Variants in MAP7 observed in about 807,000 individuals in gnomAD.
MAP7 encodes the protein ensconsin.
In MAP7, 52 loss-of-function variants were observed where a neutral mutation model predicts 94.8. The observed-to-expected ratio is 0.55, with a 90% CI of 0.44 to 0.69. MAP7 has a LOEUF of 0.69. MAP7 is among the 30% of genes least tolerant of loss of function. The pLI is 0.00. For missense variants in MAP7, 940 were observed against 964.6 expected (o/e 0.97, Z 0.34); for synonymous variants, 350 against 357.0 (o/e 0.98, Z 0.22).
intron 1 of MAP7, among the ~76,000 whole-genome samples, chr6:136,547,230 A>G (rs1829804691): frequency 6.6e-6 from 1 of 152,228 alleles, no homozygotes; most frequent in Non-Finnish European, 1.5e-5. Context: ...CAAAAAGCCC[A>G]ATTCCAGATT....
chr6:136,478,443 C>CAAACA (rs1554263252), intron 1 of MAP7, among the ~76,000 whole-genome samples: 2,989 of 151,270 alleles, frequency 0.02, 105 homozygotes, highest in East Asian at 0.13. Context: ...CAAAAACAAA[C>CAAACA]AAAAAAACAA....
In MAP7 at chr6:136,383,667, G is replaced by A. The variant is rs750959471; in HGVS notation, c.637+4C>T. On this transcript the variant is annotated splice_donor_region_variant and intron_variant, in intron 6 of 17. Transcript: ENST00000354570. ...ACACTTTTTTGTTTTCCTTTGGACTGTACCTCTATCTGGAGAATTTAGTAA... is the reference window on the plus strand; with the variant it reads ...ACACTTTTTTGTTTTCCTTTGGACTATACCTCTATCTGGAGAATTTAGTAA... 9.7e-6 allele frequency: 15 copies of A among 1,540,828 alleles called. No homozygotes were observed. In the South Asian group the frequency reaches 1.6e-4, roughly 16 times the overall value.
chr6:136,522,516 T>C (rs1303648685), intron 1 of MAP7, among the ~76,000 whole-genome samples: 2 of 152,138 alleles, frequency 1.3e-5, no homozygotes, highest in African/African-American at 4.8e-5. Context: ...TTAGCCAGGA[T>C]AATCCTGAAC....
intron 1 of MAP7, among the ~76,000 whole-genome samples, chr6:136,446,914 A>T (rs897656104): frequency 6.6e-6 from 1 of 152,222 alleles, no homozygotes; most frequent in Non-Finnish European, 1.5e-5. Flanking sequence ...ACAAAAACTT[A>T]AAAAAATTTA....
At chr6:136,413,972 G>A (rs1313480909) in intron 2 of MAP7, among the ~76,000 whole-genome samples, 2 of 151,994 alleles carry the variant, frequency 1.3e-5, no homozygotes, top group African/African-American at 4.8e-5. Context: ...TAAATGGGCC[G>A]GGCGCGGTGG....
intron 1 of MAP7, among the ~76,000 whole-genome samples, chr6:136,536,107 T>C (rs886836015): frequency 2.6e-5 from 4 of 152,176 alleles, no homozygotes; most frequent in African/African-American, 9.7e-5. Context: ...TAGTATTCCG[T>C]GGTGTATATG....
chr6:136,350,942 G>A (rs1789003815), intron 16 of MAP7, among the ~76,000 whole-genome samples: 1 of 152,086 alleles, frequency 6.6e-6, no homozygotes, highest in African/African-American at 2.4e-5. Flanking sequence ...AGAGCCCCAG[G>A]GATCAGTGCT....
At chr6:136,447,780 A>G (rs1799787004) in intron 1 of MAP7, among the ~76,000 whole-genome samples, 1 of 152,214 alleles carries the variant, frequency 6.6e-6, no homozygotes, top group East Asian at 1.9e-4. Context: ...TTAAGCAATG[A>G]CTTTCACATG....
chr6:136,459,157 A>G (rs1804343297), intron 1 of MAP7, among the ~76,000 whole-genome samples: 1 of 152,174 alleles, frequency 6.6e-6, no homozygotes, highest in South Asian at 2.1e-4. Flanking sequence ...GATGCTCAAT[A>G]CTACTAATCA....
intron 1 of MAP7, among the ~76,000 whole-genome samples, chr6:136,442,497 G>A (rs1798168390): frequency 6.6e-6 from 1 of 151,780 alleles, no homozygotes; most frequent in African/African-American, 2.4e-5. Context: ...GTTCTTGAGG[G>A]TTTGTATGAA....
At chr6:136,475,010 A>G (rs79368396) in intron 1 of MAP7, among the ~76,000 whole-genome samples, 5,824 of 152,226 alleles carry the variant, frequency 0.038, 229 homozygotes, top group African/African-American at 0.09. Context: ...GCCATCATAC[A>G]AGGCCAATCT....
At chr6:136,543,614 T>C (rs1232127257) in intron 1 of MAP7, among the ~76,000 whole-genome samples, 2 of 151,876 alleles carry the variant, frequency 1.3e-5, no homozygotes, top group African/African-American at 4.8e-5. Context: ...GATTGTGCCA[T>C]TGCACTCCAG....
At chr6:136,499,269 CTG>C (rs2129006406) in intron 1 of MAP7, among the ~76,000 whole-genome samples, 1 of 152,200 alleles carries the variant, frequency 6.6e-6, no homozygotes, top group East Asian at 1.9e-4. Flanking sequence ...CCCTGAGGCT[CTG>C]TGACTTTTTC....
intron 1 of MAP7, among the ~76,000 whole-genome samples, chr6:136,501,134 A>T (rs1045936640): frequency 6.6e-5 from 10 of 152,238 alleles, no homozygotes; most frequent in African/African-American, 2.4e-4. Flanking sequence ...AAAACCTGAA[A>T]TGTTTCCCTT....
intron 1 of MAP7, among the ~76,000 whole-genome samples, chr6:136,478,126 T>C (rs1036633898): frequency 2.0e-5 from 3 of 152,166 alleles, no homozygotes; most frequent in Admixed American, 6.5e-5. Flanking sequence ...CCAAAACCTA[T>C]AGGATACAGT....
intron 8 of MAP7, among the ~76,000 whole-genome samples, chr6:136,369,788 A>T (rs1054638301): frequency 6.6e-6 from 1 of 152,238 alleles, no homozygotes; most frequent in South Asian, 2.1e-4. Context: ...TAAAGACTTA[A>T]ATGTAAGACT....
chr6:136,515,807 T>C (rs1430401131), intron 1 of MAP7, among the ~76,000 whole-genome samples: 1 of 152,116 alleles, frequency 6.6e-6, no homozygotes, highest in East Asian at 1.9e-4. Context: ...AAGTTTGAAA[T>C]ATTGCAAGAA....
intron 10 of MAP7, chr6:136,364,043 T>G (rs892614268): frequency 1.9e-5 from 5 of 263,000 alleles, no homozygotes; most frequent in African/African-American, 1.2e-4. Flanking sequence ...CTCTGAGGAA[T>G]GTAGGGCCAC....
chr6:136,414,964 G>A (rs1360703205), intron 2 of MAP7, among the ~76,000 whole-genome samples: 6 of 151,698 alleles, frequency 4.0e-5, no homozygotes, highest in African/African-American at 7.3e-5. Flanking sequence ...ACAGGCATGC[G>A]CCACCAGGCC....
Sources: allele counts gnomAD v4.1 joint callset (sites outside exome capture counted in the v4.1 genomes callset), GRCh38; gene constraint gnomAD v4.1.1; transcripts MANE v1.5; gene names NCBI Gene and HGNC (gene_info 2026-07-23, HGNC 2026-07-21).